BCAR1: variants seen among roughly 807,000 people sequenced by gnomAD.
The protein encoded by BCAR1 is breast cancer anti-estrogen resistance protein 1.
Under a neutral mutation model 67.6 loss-of-function variants are expected in BCAR1, and 30 were observed. That is an observed-to-expected ratio of 0.44 (90% CI 0.33 to 0.60). The LOEUF (loss-of-function observed/expected upper bound fraction) is 0.60, where lower values mean the gene tolerates loss of function less well. BCAR1 is among the 20% of genes least tolerant of loss of function. The probability of loss-of-function intolerance (pLI) is 0.02; values close to 1 mark genes in which losing one functional copy is unlikely to be tolerated. For synonymous variants in BCAR1, 626 were observed against 556.7 expected, an observed-to-expected ratio of 1.12 and a Z score of -1.75; for missense variants, 1,313 against 1,222.3, an observed-to-expected ratio of 1.07 and a Z score of -1.11.
intron 2 of BCAR1, among the ~76,000 whole-genome samples, chr16:75,239,822 G>A (rs1198986716): frequency 6.6e-6 from 1 of 152,186 alleles, no homozygotes; most frequent in African/African-American, 2.4e-5. Flanking sequence ...CCCAGCACAG[G>A]GGAGCCTGGG....
rs750370023 is a variant in BCAR1 at position 75,236,898 on chromosome 16, G to A, written c.896C>T (p.Pro299Leu). The A allele has an allele frequency of 2.6e-5, 42 of 1,612,234 alleles. No homozygotes were observed. The highest frequency in any genetic ancestry group is 1.8e-5 in the Non-Finnish European group (21 of 1,179,290). ...VPPSVEKGLP[P>L]SNHHAVYDVP... is the part of the protein sequence containing the mutation. ...TTTGCTCACTGCGTGGTGGTTGGAC[G>A]GTGGCAGGCCCTTCTCCACACTGGG... is the stretch of plus-strand genomic sequence containing the variant. The change falls in exon 4 of 7, where the codon CCG becomes CTG. Residue 299 changes from proline (P) to leucine (L), a missense_variant. Coordinates refer to ENST00000162330, the MANE Select transcript of BCAR1 (RefSeq NM_014567.5).
At chr16:75,267,910 C>T (rs1402958193) in intron 1 of BCAR1, 1 of 1,600,160 alleles carries the variant, frequency 6.2e-7, no homozygotes. Flanking sequence ...AGAGCCCTCA[C>T]TTACTCTGAG....
intron 1 of BCAR1, chr16:75,250,872 G>A: frequency 1.0e-6 from 1 of 985,496 alleles, no homozygotes; most frequent in Non-Finnish European, 1.2e-6. Flanking sequence ...GTGCGGGGCT[G>A]CAAAGCCCGC....
chr16:75,256,983 A>G (rs1471856711), intron 1 of BCAR1, among the ~76,000 whole-genome samples: 2 of 152,012 alleles, frequency 1.3e-5, no homozygotes, highest in African/African-American at 4.8e-5. Context: ...TCTGCGCCCT[A>G]TGGCAGAGGC....
intron 1 of BCAR1, among the ~76,000 whole-genome samples, chr16:75,267,401 G>GA (rs1163683819): frequency 1.5e-5 from 2 of 132,560 alleles, no homozygotes; most frequent in Admixed American, 1.5e-4. Flanking sequence ...AGCCGGGGGG[G>GA]GGGTGGGGGG....
chr16:75,239,962 A>G (rs2077281943), intron 2 of BCAR1, among the ~76,000 whole-genome samples: 1 of 151,924 alleles, frequency 6.6e-6, no homozygotes. Flanking sequence ...CCTCCCACAG[A>G]CGCCTTCCCC....
At chr16:75,263,909 C>T in intron 1 of BCAR1, 2 of 1,063,574 alleles carry the variant, frequency 1.9e-6, no homozygotes, top group Non-Finnish European at 2.3e-6. Flanking sequence ...CTCTTGGCCC[C>T]ACCACCTCAC....
intron 2 of BCAR1, chr16:75,239,182 A>C (rs2077248087): frequency 1.1e-6 from 1 of 906,964 alleles, no homozygotes; most frequent in Non-Finnish European, 1.3e-6. Flanking sequence ...CCCCACTGCT[A>C]ATCACAGGCC....
chr16:75,234,825 TC>T, intron 5 of BCAR1, 63 bp downstream of exon 5: 3 of 1,506,142 alleles, frequency 2.0e-6, no homozygotes, highest in Non-Finnish European at 2.7e-6. Context: ...AGAACAAATC[TC>T]CCCCTAAGCA....
At chr16:75,243,119 C>G (rs906775823) in intron 1 of BCAR1, 29 bp from the exon 2 acceptor site, 4 of 1,555,074 alleles carry the variant, frequency 2.6e-6, no homozygotes, top group Non-Finnish European at 3.5e-6. Flanking sequence ...GGTGTGAGAA[C>G]AGAAGGATGT....
chr16:75,243,693 C>G (rs1414647029), intron 1 of BCAR1, among the ~76,000 whole-genome samples: 2 of 152,324 alleles, frequency 1.3e-5, no homozygotes, highest in Middle Eastern at 3.4e-3. Context: ...CTCAGCAAAC[C>G]CTTGCAGAGC....
At position 75,248,509 on chromosome 16, in the gene BCAR1, C is replaced by A. The variant is rs2077588207; in HGVS notation, c.12+2962G>T. 1.5e-5 allele frequency: 4 copies of A among 270,936 alleles called. No individual in the cohort carries two copies. The Admixed American group carries it at 1.6e-4, about 11-fold the overall frequency. The allele number at this position is 270,936 out of a possible 1,614,324, so 16.8% of individuals were successfully genotyped here. ...CCTGATCACCCCACTTGGTCCTGGC[C>A]TCAGGCTCTGAGGGGCACCTCCTCT... On this transcript the variant is annotated intron_variant, in intron 1 of 6. Coordinates refer to ENST00000162330, the MANE Select transcript of BCAR1 (RefSeq NM_014567.5).
In BCAR1 at chr16:75,242,548, G is replaced by A. The variant is rs758867982; in HGVS notation, c.555C>T (p.Ala185=). The change falls in exon 2 of 7, where the codon GCC becomes GCT. Residue 185 remains alanine, a synonymous_variant. Transcript: ENST00000162330. ...AQDIYQVPPS[A]GMGHDIYQVP... Reference sequence around the variant, plus strand: ...CCTGGTAGATGTCATGCCCCATCCCGGCAGAAGGTGGCACCTGGTAAATAT... The same window carrying A: ...CCTGGTAGATGTCATGCCCCATCCCAGCAGAAGGTGGCACCTGGTAAATAT... The A allele has an allele frequency of 1.1e-5, 16 of 1,490,836 alleles. No individual in the cohort carries two copies. The highest frequency in any genetic ancestry group is 2.0e-4 in the Middle Eastern group (1 of 5,088). The allele number at this position is 1,490,836 out of a possible 1,614,324, so 92.4% of individuals were successfully genotyped here. A position where few individuals can be genotyped will look rare whatever the true frequency, so the allele number is the denominator to read the frequency against.
At chr16:75,267,734 A>G (rs2078028682) in intron 1 of BCAR1, among the ~76,000 whole-genome samples, 1 of 152,138 alleles carries the variant, frequency 6.6e-6, no homozygotes. Context: ...CGGTGGAGAA[A>G]GATCCCTTCT....
rs1392028308 is a variant in BCAR1 at position 75,228,384 on chromosome 16, G to C, written c.*1127C>G. On this transcript the variant is annotated 3_prime_UTR_variant, in exon 7 of 7. Coordinates refer to ENST00000162330, the MANE Select transcript of BCAR1 (RefSeq NM_014567.5). ...AAGGCCCATGTTCATATGCAGAACG[G>C]TCAGGGCTGGGAGCAGCACCAGGGG... 6.6e-6 allele frequency: 1 copy of C among 152,180 alleles called. No homozygotes were observed. The highest frequency in any genetic ancestry group is 1.9e-4 in the East Asian group (1 of 5,162). 9.4% of individuals were successfully genotyped at this position (152,180 alleles called of 1,614,324 possible).
At chr16:75,257,699 C>T (rs1219868717) in intron 1 of BCAR1, among the ~76,000 whole-genome samples, 1 of 152,178 alleles carries the variant, frequency 6.6e-6, no homozygotes, top group African/African-American at 2.4e-5. Context: ...TCAAGCGATC[C>T]TCCCGCCTTG....
intron 2 of BCAR1, among the ~76,000 whole-genome samples, chr16:75,241,643 C>A (rs1291922155): frequency 6.6e-6 from 1 of 152,216 alleles, no homozygotes; most frequent in Non-Finnish European, 1.5e-5. Context: ...CATGGAGTCC[C>A]CCACCCGCCA....
At chr16:75,266,787 A>G in intron 1 of BCAR1, 1 of 1,439,600 alleles carries the variant, frequency 6.9e-7, no homozygotes, top group South Asian at 1.5e-5. Context: ...CATCTAGAGC[A>G]AGTGGGGCTG....
At chr16:75,250,935 G>C in intron 1 of BCAR1, 1 of 985,230 alleles carries the variant, frequency 1.0e-6, no homozygotes, top group Non-Finnish European at 1.2e-6. Context: ...GCCGGCGGCC[G>C]GAGTGAATCA....
Sources: gnomAD v4.1 joint callset for allele counts (sites outside exome capture counted in the v4.1 genomes callset) on GRCh38, gnomAD v4.1.1 for gene constraint, MANE v1.5 for transcripts, NCBI Gene and HGNC (gene_info 2026-07-23, HGNC 2026-07-21) for gene names.